Variants in TMEM181 observed in about 807,000 individuals in gnomAD.
TMEM181 encodes G protein-coupled receptor 178.
TMEM181 carries 39 observed loss-of-function variants against 71.9 expected under a neutral mutation model. The ratio of observed to expected loss-of-function variants is 0.54; its 90% CI spans 0.42 to 0.71. TMEM181 has a LOEUF of 0.71. Among genes scored for constraint, TMEM181 ranks in the 30% least tolerant of loss-of-function variants. The probability of loss-of-function intolerance (pLI) is 0.00; values close to 1 mark genes in which losing one functional copy is unlikely to be tolerated. For missense variants in TMEM181, 595 were observed against 583.0 expected (o/e 1.02, Z -0.21); for synonymous variants, 245 against 228.8 (o/e 1.07, Z -0.64).
At chr6:158,540,972 G>T (rs1033265605) in intron 1 of TMEM181, among the ~76,000 whole-genome samples, 5 of 152,202 alleles carry the variant, frequency 3.3e-5, no homozygotes, top group Non-Finnish European at 7.3e-5. Flanking sequence ...GTCTCACTAT[G>T]TTGCCCAGGC....
At chr6:158,559,434 A>G (rs186725759), upstream of TMEM181, among the ~76,000 whole-genome samples, 12 of 152,356 alleles carry the variant, frequency 7.9e-5, no homozygotes, top group East Asian at 2.3e-3. Flanking sequence ...AACCCACAGC[A>G]CACGGGAACA....
At chr6:158,605,131 A>AGTGTGTGG in intron 6 of TMEM181, 136 bp from the exon 7 acceptor site, 1 of 159,686 alleles carries the variant, frequency 6.3e-6, no homozygotes, top group Non-Finnish European at 1.2e-5. Context: ...AAAAAAAAAA[A>AGTGTGTGG]GTGTGTGTGT....
At chr6:158,587,070 G>A (rs938954914) in intron 5 of TMEM181, among the ~76,000 whole-genome samples, 18 of 152,166 alleles carry the variant, frequency 1.2e-4, no homozygotes, top group African/African-American at 4.3e-4. Context: ...CTCAGATTGA[G>A]GCTCAATGGA....
intron 1 of TMEM181, among the ~76,000 whole-genome samples, chr6:158,562,356 T>C (rs964669418): frequency 2.0e-5 from 3 of 152,272 alleles, no homozygotes; most frequent in African/African-American, 7.2e-5. Context: ...TTGTTTGAGC[T>C]ACAGGGCTGC....
At chr6:158,554,365 C>A (rs573386639) in intron 1 of TMEM181, among the ~76,000 whole-genome samples, 1 of 152,010 alleles carries the variant, frequency 6.6e-6, no homozygotes, top group Non-Finnish European at 1.5e-5. Context: ...GGATTACAGG[C>A]GTGAGCCACC....
intron 13 of TMEM181, among the ~76,000 whole-genome samples, chr6:158,627,677 G>A (rs560110691): frequency 2.2e-4 from 34 of 152,246 alleles, no homozygotes; most frequent in Non-Finnish European, 3.4e-4. Context: ...GGAGGCCAGC[G>A]TGGCTGGAGA....
intron 1 of TMEM181, among the ~76,000 whole-genome samples, chr6:158,542,061 A>C (rs758347702): frequency 1.4e-4 from 21 of 151,936 alleles, no homozygotes; most frequent in Admixed American, 2.6e-4. Flanking sequence ...ATGCGCCACT[A>C]TGCGTGGCTA....
At chr6:158,557,085 A>G (rs899021222), upstream of TMEM181, among the ~76,000 whole-genome samples, 4 of 152,308 alleles carry the variant, frequency 2.6e-5, no homozygotes, top group Middle Eastern at 3.4e-3. Flanking sequence ...CAACTTTCAC[A>G]GTAGCTTATC....
At chr6:158,558,183 A>G (rs1007604327), upstream of TMEM181, among the ~76,000 whole-genome samples, 1 of 152,182 alleles carries the variant, frequency 6.6e-6, no homozygotes. Context: ...CTCTCGCTGG[A>G]GATGCCTCAG....
rs757561495 is a variant in TMEM181, at chr6:158,631,840, C to T, written c.1380C>T (p.Asn460=). ...ACTATGAGGAAATGCCGCTGCAGAA[C>T]GGCCAGGCCATCCGGGCCAAGTACA... is the stretch of plus-strand genomic sequence containing the variant. ...GSDYEEMPLQ[N]GQAIRAKYKE... The change falls in exon 17 of 17, where the codon AAC becomes AAT. Residue 460 remains asparagine, a synonymous_variant. Coordinates refer to ENST00000684151, the MANE Select transcript of TMEM181 (RefSeq NM_001376852.1). 8.1e-6 allele frequency: 13 copies of T among 1,601,498 alleles called. No homozygotes were observed. The highest frequency in any genetic ancestry group is 2.7e-5 in the African/African-American group (2 of 74,736).
chr6:158,564,612 C>A (rs572050172), intron 1 of TMEM181, among the ~76,000 whole-genome samples: 1 of 152,236 alleles, frequency 6.6e-6, no homozygotes, highest in Non-Finnish European at 1.5e-5. Flanking sequence ...TGGCTGAGTT[C>A]TTGCCACGCT....
intron 1 of TMEM181, among the ~76,000 whole-genome samples, chr6:158,571,858 T>C (rs1226026632): frequency 1.3e-5 from 2 of 152,214 alleles, no homozygotes; most frequent in Non-Finnish European, 2.9e-5. Context: ...TTTCCCCACC[T>C]GTGAATTGAA....
At chr6:158,625,654 C>T in intron 12 of TMEM181, 49 bp from the exon 13 acceptor site, 1 of 1,482,510 alleles carries the variant, frequency 6.7e-7, no homozygotes, top group East Asian at 2.3e-5. Context: ...AAATAAAATG[C>T]AAGTGGAATT....
At chr6:158,552,488 T>A (rs1307069467) in intron 1 of TMEM181, among the ~76,000 whole-genome samples, 3 of 152,256 alleles carry the variant, frequency 2.0e-5, no homozygotes, top group Non-Finnish European at 2.9e-5. Flanking sequence ...TGAAGTTTCC[T>A]TGTTACATAG....
Position 158,625,051 on chromosome 6 carries a change from A to G in TMEM181, c.955-53A>G, listed in dbSNP as rs1443880767. ...TCCTGCCTGTGGTGGTGCTGGGAGGAGAAGGTCACAGAGGCCCTGTTCCGA... is the reference window on the plus strand; with the variant it reads ...TCCTGCCTGTGGTGGTGCTGGGAGGGGAAGGTCACAGAGGCCCTGTTCCGA... On this transcript the variant is annotated intron_variant, in intron 11 of 16. Coordinates refer to ENST00000684151, the MANE Select transcript of TMEM181 (RefSeq NM_001376852.1). The G allele has an allele frequency of 4.4e-6, 6 of 1,377,632 alleles. No homozygotes were observed. In the East Asian group the frequency reaches 9.1e-5, roughly 21 times the overall value. 85.3% of individuals were successfully genotyped at this position (1,377,632 alleles called of 1,614,324 possible).
At chr6:158,576,184 G>T (rs150231732) in intron 2 of TMEM181, among the ~76,000 whole-genome samples, 492 of 152,260 alleles carry the variant, frequency 3.2e-3, no homozygotes, top group African/African-American at 0.011. Context: ...ATTAGATGGT[G>T]GCTAATTTTG....
intron 10 of TMEM181, chr6:158,611,743 A>G: frequency 4.2e-6 from 1 of 235,536 alleles, no homozygotes; most frequent in South Asian, 5.6e-5. Context: ...GGAAAGAAAC[A>G]GGAAAAGCGG....
At chr6:158,567,648 G>C (rs9457404) in intron 1 of TMEM181, among the ~76,000 whole-genome samples, 99,324 of 152,022 alleles carry the variant, frequency 0.65, 32,819 homozygotes, top group East Asian at 0.76. Context: ...GGCCAGCCTG[G>C]AGTCTGGCTT....
At chr6:158,545,589 G>A (rs576831274) in intron 1 of TMEM181, among the ~76,000 whole-genome samples, 1 of 152,316 alleles carries the variant, frequency 6.6e-6, no homozygotes, top group Admixed American at 6.5e-5. Flanking sequence ...GCCTTCTGGG[G>A]CATGAAGGAA....
Sources: gnomAD v4.1 joint callset for allele counts (sites outside exome capture counted in the v4.1 genomes callset) on GRCh38, gnomAD v4.1.1 for gene constraint, MANE v1.5 for transcripts, NCBI Gene and HGNC (gene_info 2026-07-23, HGNC 2026-07-21) for gene names.